The following IL13RA1 variants were observed in gnomAD, a reference collection of about 807,000 sequenced individuals.
IL13RA1 encodes interleukin-13 receptor subunit alpha-1.
In IL13RA1, 14 loss-of-function variants were observed where a neutral mutation model predicts 33.8. The ratio of observed to expected loss-of-function variants is 0.41; its 90% CI spans 0.27 to 0.65. IL13RA1 has a LOEUF of 0.65. IL13RA1 is among the 30% of genes least tolerant of loss of function. The pLI is 0.28. For synonymous variants in IL13RA1, 116 were observed against 115.7 expected, an observed-to-expected ratio of 1.00 and a Z score of -0.02; for missense variants, 313 against 327.0, an observed-to-expected ratio of 0.96 and a Z score of 0.33.
At position 118,758,290 on chromosome X, in the gene IL13RA1, T is replaced by C. The variant is rs113973996; in HGVS notation, c.676+48T>C. On this transcript the variant is annotated intron_variant, in intron 5 of 10. Coordinates refer to ENST00000371666, the MANE Select transcript of IL13RA1 (RefSeq NM_001560.3). ...AACAGTATGGATAAAAAGTGTGTTA[T>C]ATCTTTTGCACAATCAATACAAATA... The C allele has an allele frequency of 6.0e-3, 3,203 of 531,630 alleles. 80 individuals carry two copies. In the African/African-American group the frequency reaches 0.062, roughly 10 times the overall value. The allele number at this position is 531,630 out of a possible 1,213,427, so 43.8% of individuals were successfully genotyped here. A position where few individuals can be genotyped will look rare whatever the true frequency, so the allele number is the denominator to read the frequency against.
rs142293462 is a variant in IL13RA1 at position 118,759,464 on chromosome X, G to A, written c.676+1222G>A. 9.4e-4 allele frequency among the ~76,000 whole-genome samples: 105 copies of A among 112,069 alleles called. 1 individual carries two copies. In the East Asian group the frequency reaches 0.027, roughly 28 times the overall value. The stretch of plus-strand genomic sequence containing the variant: ...TAGTCATAGAAGTGAATTCTAATAG[G>A]GTACCAAAGTCAGCTTACTTTGTAG... On this transcript the variant is annotated intron_variant, in intron 5 of 10. Coordinates refer to ENST00000371666, the MANE Select transcript of IL13RA1 (RefSeq NM_001560.3).
the IL13RA1 span, among the ~76,000 whole-genome samples, chrX:118,802,434 C>G: frequency 8.9e-6 from 1 of 112,236 alleles, no homozygotes; most frequent in Non-Finnish European, 1.9e-5. Context: ...AGGTCAGATG[C>G]TGGCTATAAT....
At chrX:118,785,500 G>A (rs1483182056) in intron 10 of IL13RA1, among the ~76,000 whole-genome samples, 1 of 111,924 alleles carries the variant, frequency 8.9e-6, no homozygotes, top group Non-Finnish European at 1.9e-5. Flanking sequence ...CTGATGATAT[G>A]TTGTGTTTAT....
At position 118,742,492 on chromosome X, in the gene IL13RA1, G is replaced by A. The variant is rs765401324; in HGVS notation, c.228+1336G>A. 4.4e-5 allele frequency among the ~76,000 whole-genome samples: 5 copies of A among 112,457 alleles called. No homozygotes were observed. The South Asian group carries it at 1.8e-3, about 41-fold the overall frequency. On this transcript the variant is annotated intron_variant, in intron 2 of 10. Coordinates refer to ENST00000371666, the MANE Select transcript of IL13RA1 (RefSeq NM_001560.3). ...TGTCTAACTGAAACCCTGAGCAGAG[G>A]TTGCTTTTCAGGTCCCTTTTCCTTA...
chrX:118,786,544 C>T (rs936183890), intron 10 of IL13RA1, among the ~76,000 whole-genome samples: 4 of 112,070 alleles, frequency 3.6e-5, no homozygotes, highest in Non-Finnish European at 5.6e-5. Context: ...TTCTGTTGTT[C>T]ATTTTTGTAT....
At chrX:118,770,427 G>A (rs1365509200) in intron 8 of IL13RA1, 2 of 393,484 alleles carry the variant, frequency 5.1e-6, no homozygotes, top group Admixed American at 2.9e-5. Flanking sequence ...ACGGCAGCCT[G>A]GCACTGGCCT....
At chrX:118,798,160 G>A (rs112910856), downstream of IL13RA1, among the ~76,000 whole-genome samples, 5,413 of 111,114 alleles carry the variant, frequency 0.049, 309 homozygotes, top group African/African-American at 0.17. Flanking sequence ...CTCTCAACAC[G>A]CACTTGTGCA....
chrX:118,772,260 T>TGTGTGG (rs2017730780), intron 8 of IL13RA1, among the ~76,000 whole-genome samples: 1 of 112,792 alleles, frequency 8.9e-6, no homozygotes, highest in South Asian at 3.6e-4. Context: ...TTAATCTGTG[T>TGTGTGG]GTGTGGGTGT....
chrX:118,784,352 TA>T (rs1205059045), intron 10 of IL13RA1, among the ~76,000 whole-genome samples: 1 of 108,189 alleles, frequency 9.2e-6, no homozygotes, highest in African/African-American at 3.4e-5. Context: ...GCAACCACAA[TA>T]ATAATAGTTC....
chrX:118,762,929 A>G (rs1019665702), intron 6 of IL13RA1, among the ~76,000 whole-genome samples: 50 of 112,197 alleles, frequency 4.5e-4, no homozygotes, highest in African/African-American at 1.6e-3. Context: ...ACTCCTACAG[A>G]AAACCAAATG....
chrX:118,737,394 T>C (rs2017293867), intron 1 of IL13RA1, among the ~76,000 whole-genome samples: 1 of 112,647 alleles, frequency 8.9e-6, no homozygotes, highest in Non-Finnish European at 1.9e-5. Flanking sequence ...TCTTCCAAAA[T>C]TGTTACATCA....
At chrX:118,795,707 G>A (rs948075299), downstream of IL13RA1, among the ~76,000 whole-genome samples, 7 of 111,952 alleles carry the variant, frequency 6.3e-5, no homozygotes, top group African/African-American at 2.3e-4. Flanking sequence ...AGGGGTAGAG[G>A]AGCCAGAGTG....
chrX:118,784,161 A>G (rs2147401086), intron 10 of IL13RA1, among the ~76,000 whole-genome samples: 2 of 96,915 alleles, frequency 2.1e-5, no homozygotes, highest in South Asian at 4.8e-4. Context: ...ATATACACAT[A>G]TATACGTATA....
intron 4 of IL13RA1, among the ~76,000 whole-genome samples, chrX:118,757,619 T>C (rs1416460912): frequency 9.6e-6 from 1 of 104,446 alleles, no homozygotes; most frequent in Non-Finnish European, 2.0e-5. Flanking sequence ...AAAAAAGTTA[T>C]CTTGCCCATT....
At chrX:118,745,378 C>G (rs943490038) in intron 2 of IL13RA1, among the ~76,000 whole-genome samples, 2 of 111,205 alleles carry the variant, frequency 1.8e-5, no homozygotes, top group Non-Finnish European at 3.8e-5. Context: ...CTGTATCACC[C>G]TCTTTTTCCT....
chrX:118,780,537 G>C (rs2017831626), intron 10 of IL13RA1, among the ~76,000 whole-genome samples: 1 of 112,767 alleles, frequency 8.9e-6, no homozygotes, highest in Admixed American at 9.4e-5. Flanking sequence ...GAACTGTGGT[G>C]CCAGCATCTG....
chrX:118,744,557 G>A (rs940914209), intron 2 of IL13RA1, among the ~76,000 whole-genome samples: 2 of 110,544 alleles, frequency 1.8e-5, no homozygotes, highest in Non-Finnish European at 3.8e-5. Context: ...ATGCCACCAC[G>A]ACCAGCTAAT....
At chrX:118,751,276 G>T (rs532380651) in intron 4 of IL13RA1, among the ~76,000 whole-genome samples, 2 of 112,555 alleles carry the variant, frequency 1.8e-5, no homozygotes, top group African/African-American at 6.4e-5. Context: ...AAGGAAGAAA[G>T]ACCAGATTAA....
intron 1 of IL13RA1, among the ~76,000 whole-genome samples, chrX:118,730,971 A>T (rs1453255522): frequency 8.9e-6 from 1 of 112,720 alleles, no homozygotes. Flanking sequence ...CAAAATGTGC[A>T]TGCCTCTGCT....
Sources: allele counts gnomAD v4.1 joint callset (sites outside exome capture counted in the v4.1 genomes callset), GRCh38; gene constraint gnomAD v4.1.1; transcripts MANE v1.5; gene names NCBI Gene and HGNC (gene_info 2026-07-23, HGNC 2026-07-21).